CDH13: variants seen among roughly 807,000 people sequenced by gnomAD.
The protein encoded by CDH13 is cadherin 13, also known as cadherin-13.
Under a neutral mutation model 63.8 loss-of-function variants are expected in CDH13, and 24 were observed. The ratio of observed to expected loss-of-function variants is 0.38; its 90% confidence interval spans 0.27 to 0.53. CDH13 has a LOEUF of 0.53. Ranked by LOEUF, CDH13 falls within the 20% of genes least tolerant of loss-of-function variation. The probability of loss-of-function intolerance (pLI) is 0.85; values close to 1 mark genes in which losing one functional copy is unlikely to be tolerated. For synonymous variants in CDH13, 503 were observed against 355.3 expected (o/e 1.42, Z -4.67); for missense variants, 1,049 against 903.1 (o/e 1.16, Z -2.07).
At chr16:83,668,802 T>G (rs2150852421) in intron 8 of CDH13, among the ~76,000 whole-genome samples, 1 of 152,312 alleles carries the variant, frequency 6.6e-6, no homozygotes, top group Middle Eastern at 3.4e-3. Flanking sequence ...ATCTGTAATA[T>G]GAAGGGATTA....
intron 10 of CDH13, among the ~76,000 whole-genome samples, chr16:83,682,284 TTC>T (rs1427342026): frequency 8.5e-5 from 13 of 152,066 alleles, no homozygotes; most frequent in African/African-American, 3.1e-4. Flanking sequence ...TCTGGGAGTC[TTC>T]CATGATTATT....
At chr16:83,069,966 G>A (rs2032312661) in intron 3 of CDH13, among the ~76,000 whole-genome samples, 1 of 152,010 alleles carries the variant, frequency 6.6e-6, no homozygotes, top group Non-Finnish European at 1.5e-5. Context: ...TAAAAGTAAG[G>A]AAATGAAGAA....
intron 7 of CDH13, among the ~76,000 whole-genome samples, chr16:83,561,358 G>A (rs1053684652): frequency 4.6e-5 from 7 of 151,306 alleles, no homozygotes; most frequent in African/African-American, 1.7e-4. Context: ...CCTGAGAGGC[G>A]GAGGTTGTGG....
At chr16:82,800,894 C>T (rs2036821808) in intron 1 of CDH13, among the ~76,000 whole-genome samples, 1 of 152,146 alleles carries the variant, frequency 6.6e-6, no homozygotes, top group South Asian at 2.1e-4. Flanking sequence ...TGTGCATTTT[C>T]ATGCACCTTA....
At chr16:83,536,045 T>G (rs1302119105) in intron 7 of CDH13, among the ~76,000 whole-genome samples, 1 of 152,008 alleles carries the variant, frequency 6.6e-6, no homozygotes, top group Non-Finnish European at 1.5e-5. Context: ...GAGTAGTCAT[T>G]GAAAAATTCA....
chr16:83,576,896 C>A (rs987198844), intron 7 of CDH13, among the ~76,000 whole-genome samples: 3 of 152,286 alleles, frequency 2.0e-5, no homozygotes, highest in African/African-American at 7.2e-5. Flanking sequence ...GGATAGTAGA[C>A]CCTTATCAGA....
intron 1 of CDH13, among the ~76,000 whole-genome samples, chr16:82,749,816 C>T (rs2034336732): frequency 6.6e-6 from 1 of 152,088 alleles, no homozygotes; most frequent in Admixed American, 6.6e-5. Context: ...CTTCTTCCTC[C>T]TTTCCTTTAT....
At chr16:83,431,259 A>G (rs1193018195) in intron 6 of CDH13, among the ~76,000 whole-genome samples, 2 of 151,782 alleles carry the variant, frequency 1.3e-5, no homozygotes, top group Non-Finnish European at 2.9e-5. Context: ...GCTATTGTGA[A>G]TAATGCCGCA....
chr16:83,671,784 G>A (rs1324995212), intron 9 of CDH13, among the ~76,000 whole-genome samples: 2 of 152,136 alleles, frequency 1.3e-5, no homozygotes, highest in Admixed American at 1.3e-4. Flanking sequence ...CCTCTCTATG[G>A]CAACAAGTAG....
chr16:83,382,650 A>T (rs1490613952), intron 6 of CDH13, among the ~76,000 whole-genome samples: 1 of 151,712 alleles, frequency 6.6e-6, no homozygotes, highest in African/African-American at 2.4e-5. Context: ...CAATCTCCAC[A>T]CCCCGTTCAG....
At chr16:83,509,369 C>G (rs2074501052) in intron 7 of CDH13, among the ~76,000 whole-genome samples, 1 of 152,186 alleles carries the variant, frequency 6.6e-6, no homozygotes, top group African/African-American at 2.4e-5. Context: ...GCAGATTTTA[C>G]TCTCTGTAAA....
intron 1 of CDH13, among the ~76,000 whole-genome samples, chr16:82,662,306 G>C (rs891935290): frequency 2.7e-5 from 4 of 150,230 alleles, no homozygotes; most frequent in Admixed American, 2.6e-4. Context: ...CCAAATTGTC[G>C]GCATTAGTTA....
At chr16:83,569,812 C>G (rs1478967840) in intron 7 of CDH13, among the ~76,000 whole-genome samples, 1 of 152,204 alleles carries the variant, frequency 6.6e-6, no homozygotes, top group African/African-American at 2.4e-5. Flanking sequence ...TCTCCGCTCA[C>G]TGCAACCTCT....
At chr16:82,965,653 G>A (rs769032763) in intron 2 of CDH13, among the ~76,000 whole-genome samples, 1 of 152,064 alleles carries the variant, frequency 6.6e-6, no homozygotes, top group African/African-American at 2.4e-5. Context: ...GCCATGGCCA[G>A]TATTATTTTT....
intron 5 of CDH13, among the ~76,000 whole-genome samples, chr16:83,236,197 T>A (rs2040136877): frequency 6.7e-6 from 1 of 150,154 alleles, no homozygotes; most frequent in African/African-American, 2.5e-5. Flanking sequence ...TCTGAAAACA[T>A]AAGAACTGAG....
At chr16:83,049,763 C>A (rs1186036363) in intron 3 of CDH13, among the ~76,000 whole-genome samples, 1 of 152,154 alleles carries the variant, frequency 6.6e-6, no homozygotes, top group African/African-American at 2.4e-5. Flanking sequence ...CTGTTGATGG[C>A]CATTTGGGCT....
chr16:82,900,536 A>G (rs942224536), intron 2 of CDH13, among the ~76,000 whole-genome samples: 4 of 152,230 alleles, frequency 2.6e-5, no homozygotes, highest in Non-Finnish European at 5.9e-5. Context: ...AGAATTGAGA[A>G]AAGGATTTCT....
intron 2 of CDH13, among the ~76,000 whole-genome samples, chr16:82,925,304 G>A (rs2042270032): frequency 6.6e-6 from 1 of 152,222 alleles, no homozygotes; most frequent in African/African-American, 2.4e-5. Flanking sequence ...TTAAAGGGGA[G>A]CAGTTATGAC....
chr16:83,770,134 G>A (rs938925174), intron 11 of CDH13, among the ~76,000 whole-genome samples: 12 of 152,094 alleles, frequency 7.9e-5, no homozygotes, highest in South Asian at 4.1e-4. Flanking sequence ...GGAGAACCAC[G>A]CGTGGCTCAT....
Sources: gnomAD v4.1 joint callset for allele counts (sites outside exome capture counted in the v4.1 genomes callset) on GRCh38, gnomAD v4.1.1 for gene constraint, MANE v1.5 for transcripts, NCBI Gene and HGNC (gene_info 2026-07-23, HGNC 2026-07-21) for gene names.